The following DLG2 variants were observed in gnomAD, a reference collection of about 807,000 sequenced individuals.
DLG2 encodes discs large MAGUK scaffold protein 2, also known as disks large homolog 2.
A neutral mutation model predicts 132.5 loss-of-function variants in DLG2; 45 were observed. The observed-to-expected ratio is 0.34, with a 90% CI of 0.27 to 0.44. The LOEUF (loss-of-function observed/expected upper bound fraction) is 0.44. DLG2 is among the 20% of genes least tolerant of loss of function. The pLI is 1.00. For synonymous variants in DLG2, 424 were observed against 419.6 expected (o/e 1.01, Z -0.13); for missense variants, 1,045 against 1,196.9 (o/e 0.87, Z 1.87).
At chr11:85,155,053 GC>G in intron 4 of DLG2, among the ~76,000 whole-genome samples, 1 of 152,298 alleles carries the variant, frequency 6.6e-6, no homozygotes, top group African/African-American at 2.4e-5. Flanking sequence ...ACTAGCAGTG[GC>G]ATTGACTGCC....
At chr11:83,882,055 AAG>A (rs2066421678) in intron 15 of DLG2, among the ~76,000 whole-genome samples, 1 of 152,186 alleles carries the variant, frequency 6.6e-6, no homozygotes, top group South Asian at 2.1e-4. Context: ...CCAGCATGGA[AAG>A]TATGGATGAT....
intron 8 of DLG2, among the ~76,000 whole-genome samples, chr11:84,198,393 A>G (rs553683621): frequency 1.3e-5 from 2 of 152,298 alleles, no homozygotes; most frequent in South Asian, 2.1e-4. Context: ...CAATAGCTTT[A>G]GGGAAATATA....
rs1422658469 is a variant in DLG2 at position 84,711,020 on chromosome 11, A to ATC, written c.358-176290_358-176289insGA. ...TTCATATATATATAGATATATATAT[A>ATC]TATATATATATAGAGCTGAAAAAAG... is the stretch of plus-strand genomic sequence containing the variant. On this transcript the variant is annotated intron_variant, in intron 6 of 27. Coordinates refer to ENST00000376104, the MANE Select transcript of DLG2 (RefSeq NM_001142699.3). Among the ~76,000 whole-genome samples the ATC allele has an allele frequency of 1.6e-4, 15 of 91,612 alleles. No individual in the cohort carries two copies. In the East Asian group the frequency reaches 3.2e-3, roughly 20 times the overall value. The allele number at this position is 91,612 out of a possible 152,430, so 60.1% of individuals were successfully genotyped here.
chr11:83,662,590 T>TC (rs2074568188), intron 18 of DLG2, among the ~76,000 whole-genome samples: 1 of 151,914 alleles, frequency 6.6e-6, no homozygotes, highest in Non-Finnish European at 1.5e-5. Context: ...GTGATCCACA[T>TC]GAGAATATTT....
intron 15 of DLG2, among the ~76,000 whole-genome samples, chr11:83,912,725 T>C (rs965340312): frequency 6.6e-6 from 1 of 152,140 alleles, no homozygotes; most frequent in Non-Finnish European, 1.5e-5. Context: ...GATACTGATA[T>C]TTGTATGTGT....
At chr11:84,050,349 G>A (rs144783110) in intron 11 of DLG2, among the ~76,000 whole-genome samples, 2,160 of 151,862 alleles carry the variant, frequency 0.014, 21 homozygotes, top group Non-Finnish European at 0.023. Context: ...CATATCCATC[G>A]CCCACTTGTT....
At chr11:83,713,004 AT>A (rs1485504525) in intron 18 of DLG2, among the ~76,000 whole-genome samples, 15 of 151,932 alleles carry the variant, frequency 9.9e-5, no homozygotes, top group African/African-American at 3.6e-4. Context: ...ATAAAAAAAA[AT>A]TTATTTTTTT....
intron 3 of DLG2, among the ~76,000 whole-genome samples, chr11:85,445,222 G>A (rs1223899859): frequency 6.6e-6 from 1 of 152,136 alleles, no homozygotes; most frequent in Non-Finnish European, 1.5e-5. Flanking sequence ...TTAATGTAAA[G>A]GATTTTGGAT....
chr11:84,976,537 C>T (rs1455964763), intron 6 of DLG2, among the ~76,000 whole-genome samples: 1 of 151,960 alleles, frequency 6.6e-6, no homozygotes, highest in African/African-American at 2.4e-5. Context: ...TTTAAATTTT[C>T]TTATCTTCCT....
intron 7 of DLG2, among the ~76,000 whole-genome samples, chr11:84,528,770 A>T (rs573526248): frequency 6.6e-6 from 1 of 152,356 alleles, no homozygotes; most frequent in East Asian, 1.9e-4. Flanking sequence ...CCCTGATTCT[A>T]ACAGGCTTCC....
chr11:84,791,015 C>T (rs549220426), intron 6 of DLG2, among the ~76,000 whole-genome samples: 1 of 152,282 alleles, frequency 6.6e-6, no homozygotes, highest in South Asian at 2.1e-4. Flanking sequence ...ACTCACAGTT[C>T]CGCATGACTG....
intron 15 of DLG2, among the ~76,000 whole-genome samples, chr11:83,909,850 T>C (rs1348289347): frequency 2.0e-5 from 3 of 152,116 alleles, no homozygotes; most frequent in African/African-American, 7.2e-5. Flanking sequence ...CTCTGAGACA[T>C]TTGATACAGG....
At chr11:83,512,636 C>G (rs1356687167) in intron 21 of DLG2, among the ~76,000 whole-genome samples, 2 of 151,982 alleles carry the variant, frequency 1.3e-5, no homozygotes, top group Non-Finnish European at 2.9e-5. Context: ...GACCAATTAA[C>G]TCGTCATTTA....
chr11:83,649,112 T>C (rs1262706312), intron 18 of DLG2, among the ~76,000 whole-genome samples: 1 of 152,096 alleles, frequency 6.6e-6, no homozygotes, highest in Non-Finnish European at 1.5e-5. Context: ...GACTGCTCAA[T>C]AGAAGTAGGG....
rs191619638 is a variant in DLG2, at chr11:85,267,495, C to A, written c.186+17725G>T. ...AGATCTGATCTCACTTATTTCTATA[C>A]CCCCCACAAAAAACAAAAGAGATCC... On this transcript the variant is annotated intron_variant, in intron 4 of 27. Transcript: ENST00000376104. Among the ~76,000 whole-genome samples, 15 of 152,144 alleles carry A rather than the reference C, an allele frequency of 9.9e-5. No individual in the cohort carries two copies. The East Asian group carries it at 2.1e-3, about 22-fold the overall frequency.
At chr11:85,074,114 T>C (rs1275603542) in intron 6 of DLG2, among the ~76,000 whole-genome samples, 2 of 151,764 alleles carry the variant, frequency 1.3e-5, no homozygotes, top group Non-Finnish European at 2.9e-5. Context: ...AGGAGGAAGG[T>C]GAGGATCAAA....
chr11:83,609,979 C>G (rs1199277930), intron 19 of DLG2, among the ~76,000 whole-genome samples: 1 of 152,166 alleles, frequency 6.6e-6, no homozygotes, highest in Non-Finnish European at 1.5e-5. Context: ...TTTGGGAAAG[C>G]TGAGAATTAT....
intron 3 of DLG2, among the ~76,000 whole-genome samples, chr11:85,506,688 A>T (rs1021669800): frequency 4.6e-5 from 7 of 152,194 alleles, no homozygotes; most frequent in Non-Finnish European, 1.0e-4. Flanking sequence ...AAGAATGTAT[A>T]TTCTGTTGAT....
intron 5 of DLG2, among the ~76,000 whole-genome samples, chr11:85,124,751 T>C (rs1428934716): frequency 6.6e-6 from 1 of 152,208 alleles, no homozygotes; most frequent in Non-Finnish European, 1.5e-5. Flanking sequence ...AAATAATGGA[T>C]AAATACTAAA....
Sources: allele counts gnomAD v4.1 joint callset (sites outside exome capture counted in the v4.1 genomes callset), GRCh38; gene constraint gnomAD v4.1.1; transcripts MANE v1.5; gene names NCBI Gene and HGNC (gene_info 2026-07-23, HGNC 2026-07-21).